Variants in KIAA0232 observed in about 807,000 individuals in gnomAD.
KIAA0232 encodes KIAA0232.
In KIAA0232, 27 loss-of-function variants were observed where a neutral mutation model predicts 122.0. The ratio of observed to expected loss-of-function variants is 0.22; its 90% CI spans 0.16 to 0.31. The LOEUF (loss-of-function observed/expected upper bound fraction) is 0.31, where lower values mean the gene tolerates loss of function less well. KIAA0232 is among the 10% of genes least tolerant of loss of function. KIAA0232 has a pLI of 1.00. For synonymous variants in KIAA0232, 613 were observed against 587.6 expected, an observed-to-expected ratio of 1.04 and a Z score of -0.63; for missense variants, 1,551 against 1,634.2, an observed-to-expected ratio of 0.95 and a Z score of 0.88.
rs772673312 is a variant in KIAA0232 at position 6,880,915 on chromosome 4, C to T, written c.4137C>T (p.Gly1379=). ...AAGAGACAGGCTCAGAAGGCGGAGGCGAGTGGGTGGGCCCTAGTGAAGAGG... is the reference window on the plus strand; with the variant it reads ...AAGAGACAGGCTCAGAAGGCGGAGGTGAGTGGGTGGGCCCTAGTGAAGAGG... ...TSEETGSEGG[G]EWVGPSEEEL... Residue 1379 remains glycine, a synonymous_variant, in exon 10 of 10, where the codon GGC becomes GGT. Transcript: ENST00000307659. 2.5e-6 allele frequency: 4 copies of T among 1,604,054 alleles called. No individual in the cohort carries two copies. Among genetic ancestry groups the T allele is most frequent in the Non-Finnish European group, 3.4e-6 (4 of 1,174,646 alleles).
chr4:6,818,468 A>C (rs1718245752), intron 2 of KIAA0232, among the ~76,000 whole-genome samples: 5 of 147,748 alleles, frequency 3.4e-5, no homozygotes, highest in Admixed American at 2.1e-4. Flanking sequence ...TCAAGAGAGA[A>C]CACTCCCATT....
chr4:6,858,679 G>A (rs1317356500), intron 6 of KIAA0232, among the ~76,000 whole-genome samples, 173 bp downstream of exon 6: 1 of 152,220 alleles, frequency 6.6e-6, no homozygotes, highest in Non-Finnish European at 1.5e-5. Flanking sequence ...GGTGAAACAA[G>A]ATGGTTCTGT....
chr4:6,865,387 C>T (rs1305400491), intron 7 of KIAA0232, among the ~76,000 whole-genome samples: 1 of 152,222 alleles, frequency 6.6e-6, no homozygotes, highest in African/African-American at 2.4e-5. Flanking sequence ...GCAACCTCCA[C>T]CTCCCAGGTT....
intron 1 of KIAA0232, among the ~76,000 whole-genome samples, chr4:6,793,999 T>A (rs1349706490): frequency 6.6e-6 from 1 of 152,194 alleles, no homozygotes; most frequent in Non-Finnish European, 1.5e-5. Context: ...CATAAAGTAT[T>A]TGTTGACTGC....
At chr4:6,834,980 C>A (rs1185039442) in intron 3 of KIAA0232, among the ~76,000 whole-genome samples, 3 of 152,152 alleles carry the variant, frequency 2.0e-5, no homozygotes, top group African/African-American at 7.2e-5. Context: ...GATCATATGA[C>A]AGAATCTGTA....
At chr4:6,783,740 G>A (rs1489347388) in intron 1 of KIAA0232, among the ~76,000 whole-genome samples, 2 of 151,862 alleles carry the variant, frequency 1.3e-5, no homozygotes, top group East Asian at 3.9e-4. Context: ...GCAAGGTTTG[G>A]CGAAGGTTAC....
rs145576896 is a variant in KIAA0232, at chr4:6,826,146, A to G, written c.231+1462A>G. 4.6e-3 allele frequency among the ~76,000 whole-genome samples: 695 copies of G among 152,310 alleles called. 5 individuals carry two copies. Among genetic ancestry groups the G allele is most frequent in the African/African-American group, 0.016 (676 of 41,566 alleles). ...AACATGTTTTATACCTCAGTTGTGC[A>G]GAGCATGTTTGATGAGAGGGGTTTC... On this transcript the variant is annotated intron_variant, in intron 3 of 9. Coordinates refer to ENST00000307659, the MANE Select transcript of KIAA0232 (RefSeq NM_014743.3).
chr4:6,830,097 A>C (rs1718887742), intron 3 of KIAA0232, among the ~76,000 whole-genome samples: 1 of 152,232 alleles, frequency 6.6e-6, no homozygotes, highest in Non-Finnish European at 1.5e-5. Flanking sequence ...AACAGAAGTA[A>C]TAGTAAAAGC....
intron 9 of KIAA0232, among the ~76,000 whole-genome samples, chr4:6,877,497 G>T (rs1721821132): frequency 6.6e-6 from 1 of 152,072 alleles, no homozygotes; most frequent in African/African-American, 2.4e-5. Context: ...TACACAAAGG[G>T]GAGTTTATTA....
At chr4:6,871,720 T>G (rs776025981) in intron 8 of KIAA0232, 38 bp downstream of exon 8, 1 of 1,196,118 alleles carries the variant, frequency 8.4e-7, no homozygotes, top group South Asian at 1.3e-5. Context: ...TTCATTGCAA[T>G]TTGTAATTTG....
At chr4:6,828,090 C>A (rs1446817062) in intron 3 of KIAA0232, among the ~76,000 whole-genome samples, 1 of 152,166 alleles carries the variant, frequency 6.6e-6, no homozygotes, top group Non-Finnish European at 1.5e-5. Flanking sequence ...TAAAGCTTTT[C>A]ATTATCGTTA....
At chr4:6,860,382 C>T (rs1055114531) in intron 6 of KIAA0232, among the ~76,000 whole-genome samples, 2 of 152,210 alleles carry the variant, frequency 1.3e-5, no homozygotes, top group Admixed American at 6.5e-5. Context: ...CTTCAGAGCT[C>T]ATACTCTTGA....
At chr4:6,806,349 C>G (rs1334009765) in intron 2 of KIAA0232, among the ~76,000 whole-genome samples, 2 of 152,098 alleles carry the variant, frequency 1.3e-5, no homozygotes, top group Admixed American at 6.6e-5. Flanking sequence ...CATCAAATAA[C>G]TGGAATCAAG....
At chr4:6,793,052 G>C (rs957316070) in intron 1 of KIAA0232, among the ~76,000 whole-genome samples, 1 of 152,050 alleles carries the variant, frequency 6.6e-6, no homozygotes, top group African/African-American at 2.4e-5. Flanking sequence ...AAATTATGTA[G>C]CCAGTCCTAT....
chr4:6,842,004 A>T, intron 3 of KIAA0232, 63 bp from the exon 4 acceptor site: 1 of 1,576,006 alleles, frequency 6.3e-7, no homozygotes. Flanking sequence ...TGTGTGTGGT[A>T]GGTGGAACAT....
Position 6,830,745 on chromosome 4 carries a change from G to A in KIAA0232, c.231+6061G>A, listed in dbSNP as rs563031968. Reference sequence around the variant, plus strand: ...CTCAAGCTTCACCCCTACCCTGCCCGCTGTAAGCTCAGACTTACACCCTTT... The same window carrying A: ...CTCAAGCTTCACCCCTACCCTGCCCACTGTAAGCTCAGACTTACACCCTTT... On this transcript the variant is annotated intron_variant, in intron 3 of 9. Transcript: ENST00000307659. Among the ~76,000 whole-genome samples the A allele has an allele frequency of 4.2e-4, 64 of 152,072 alleles. No homozygotes were observed. In the South Asian group the frequency reaches 5.2e-3, roughly 12 times the overall value.
In KIAA0232 at chr4:6,800,693, G is replaced by T. The variant is rs527757758; in HGVS notation, c.-353-3830G>T. On this transcript the variant is annotated intron_variant, in intron 1 of 9. Coordinates refer to ENST00000307659, the MANE Select transcript of KIAA0232 (RefSeq NM_014743.3). ...GAAACTCCGTCTCAAAAAAAAAAAA[G>T]AAAATTTGGAGGAAAAGACCTTGCT... Among the ~76,000 whole-genome samples the T allele has an allele frequency of 2.2e-4, 33 of 151,192 alleles. No individual in the cohort carries two copies. In the South Asian group the frequency reaches 5.4e-3, roughly 25 times the overall value.
intron 7 of KIAA0232, among the ~76,000 whole-genome samples, chr4:6,866,465 G>A (rs562497867): frequency 3.3e-5 from 5 of 152,340 alleles, no homozygotes; most frequent in Admixed American, 1.3e-4. Context: ...AGGAGGCTGA[G>A]TGACCTGAAG....
Position 6,880,804 on chromosome 4 carries a change from A to G in KIAA0232, c.4026A>G (p.Glu1342=). The change falls in exon 10 of 10, where the codon GAA becomes GAG. Residue 1342 remains glutamate (E), a synonymous_variant. Transcript: ENST00000307659. ...AATCTTAGGTGTCTTCTGTTTATGA[A>G]GCAAGATGTACAGGAGAGAGAGATT... The part of the protein sequence containing the change: ...LDFNRVSSVY[E]ARCTGERDSG... 2 of 1,551,472 alleles carry G rather than the reference A, an allele frequency of 1.3e-6. No homozygotes were observed. The highest frequency in any genetic ancestry group is 1.7e-6 in the Non-Finnish European group (2 of 1,146,608).
Sources: allele counts gnomAD v4.1 joint callset (sites outside exome capture counted in the v4.1 genomes callset), GRCh38; gene constraint gnomAD v4.1.1; transcripts MANE v1.5; gene names NCBI Gene and HGNC (gene_info 2026-07-23, HGNC 2026-07-21).